Variants in PDE4D observed in about 807,000 individuals in gnomAD.
The protein encoded by PDE4D is phosphodiesterase 4D.
Under a neutral mutation model 87.4 loss-of-function variants are expected in PDE4D, and 24 were observed. The ratio of observed to expected loss-of-function variants is 0.27; its 90% CI spans 0.20 to 0.39. The LOEUF is 0.39. Ranked by LOEUF, PDE4D falls within the 10% of genes least tolerant of loss-of-function variation. The pLI is 1.00. For missense variants in PDE4D, 714 were observed against 1,041.0 expected (o/e 0.69, Z 4.32); for synonymous variants, 384 against 383.2 (o/e 1.00, Z -0.02).
chr5:60,517,964 G>A (rs1750874612), intron 1 of PDE4D, among the ~76,000 whole-genome samples: 1 of 152,230 alleles, frequency 6.6e-6, no homozygotes, highest in South Asian at 2.1e-4. Flanking sequence ...CCCAGACCTG[G>A]GAGCTCCCCA....
intron 1 of PDE4D, among the ~76,000 whole-genome samples, chr5:60,518,694 A>C (rs1272560132): frequency 6.6e-6 from 1 of 151,352 alleles, no homozygotes; most frequent in African/African-American, 2.4e-5. Context: ...GCCTGGTGTT[A>C]TTTTTTTTTC....
At chr5:59,616,918 C>CATGTATATATATATATATATAT (rs1829742765) in intron 1 of PDE4D, among the ~76,000 whole-genome samples, 1 of 62,890 alleles carries the variant, frequency 1.6e-5, no homozygotes. Context: ...CTAATAATTA[C>CATGTATATATATATATATATAT]ATATATATAT....
chr5:59,665,864 T>C (rs2150306714), intron 1 of PDE4D, among the ~76,000 whole-genome samples: 1 of 152,292 alleles, frequency 6.6e-6, no homozygotes, highest in African/African-American at 2.4e-5. Flanking sequence ...ACCAGAAACC[T>C]GGCCCTCACC....
chr5:60,246,099 AT>A (rs935118536), intron 1 of PDE4D, among the ~76,000 whole-genome samples: 15 of 151,614 alleles, frequency 9.9e-5, no homozygotes, highest in African/African-American at 1.9e-4. Context: ...TTAAAAGTTA[AT>A]TTTTTTTAAT....
chr5:60,182,803 C>CA (rs1474685795), intron 2 of PDE4D, among the ~76,000 whole-genome samples: 1 of 151,706 alleles, frequency 6.6e-6, no homozygotes, highest in Admixed American at 6.6e-5. Flanking sequence ...TGGCGTGAAC[C>CA]AGGGAGGCGG....
At chr5:59,133,667 C>A (rs991970447) in intron 5 of PDE4D, among the ~76,000 whole-genome samples, 6 of 152,296 alleles carry the variant, frequency 3.9e-5, no homozygotes, top group African/African-American at 1.2e-4. Flanking sequence ...CCCAGTTTCC[C>A]AGGCATGCCA....
intron 1 of PDE4D, among the ~76,000 whole-genome samples, chr5:59,220,880 A>G (rs185525973): frequency 3.8e-4 from 58 of 151,560 alleles, no homozygotes; most frequent in Admixed American, 3.2e-3. Context: ...GAGCCCAAGC[A>G]AAAAACTAGA....
At chr5:59,862,917 A>G (rs1458596451) in intron 1 of PDE4D, among the ~76,000 whole-genome samples, 1 of 152,180 alleles carries the variant, frequency 6.6e-6, no homozygotes, top group Non-Finnish European at 1.5e-5. Flanking sequence ...TGAATTTGAC[A>G]TTTCTATTCT....
intron 1 of PDE4D, among the ~76,000 whole-genome samples, chr5:60,356,931 G>T (rs1759670176): frequency 6.6e-6 from 1 of 152,144 alleles, no homozygotes; most frequent in Non-Finnish European, 1.5e-5. Context: ...CTGGCATGCA[G>T]CTATGGAACT....
intron 2 of PDE4D, chr5:59,193,918 A>C: frequency 3.8e-6 from 1 of 263,060 alleles, no homozygotes; most frequent in Non-Finnish European, 5.9e-6. Context: ...GACTTCAGTG[A>C]GAGAACCCTT....
intron 1 of PDE4D, among the ~76,000 whole-genome samples, chr5:59,300,792 A>T (rs941589810): frequency 6.6e-6 from 1 of 152,006 alleles, no homozygotes; most frequent in African/African-American, 2.4e-5. Context: ...AGTTCCCAAG[A>T]CTGCCCCCCA....
At chr5:60,345,446 TAATA>T (rs35806424) in intron 1 of PDE4D, among the ~76,000 whole-genome samples, 26 of 148,454 alleles carry the variant, frequency 1.8e-4, no homozygotes, top group African/African-American at 3.5e-4. Flanking sequence ...TAAAGTATAA[TAATA>T]AATAAATAAA....
intron 1 of PDE4D, among the ~76,000 whole-genome samples, chr5:59,525,687 T>C (rs1470098339): frequency 4.6e-5 from 7 of 152,182 alleles, no homozygotes; most frequent in Admixed American, 4.6e-4. Context: ...TAATCCAAAT[T>C]GTAATCCCCA....
At chr5:59,262,440 T>C (rs1382582550) in intron 1 of PDE4D, among the ~76,000 whole-genome samples, 1 of 151,876 alleles carries the variant, frequency 6.6e-6, no homozygotes, top group Non-Finnish European at 1.5e-5. Flanking sequence ...TTAATTTCCT[T>C]CTTTTTTTTT....
At chr5:59,401,509 A>G (rs1790645007) in intron 1 of PDE4D, among the ~76,000 whole-genome samples, 1 of 128,054 alleles carries the variant, frequency 7.8e-6, no homozygotes, top group African/African-American at 2.9e-5. Flanking sequence ...GGGGGAGATC[A>G]CTCCTTTAAT....
At chr5:59,333,699 G>C (rs1282247249) in intron 1 of PDE4D, among the ~76,000 whole-genome samples, 1 of 152,158 alleles carries the variant, frequency 6.6e-6, no homozygotes, top group Non-Finnish European at 1.5e-5. Context: ...TTTATGGAGA[G>C]ATTTTGATTC....
rs191004847 is a variant in PDE4D at position 59,093,185 on chromosome 5, C to T, written c.809-54214G>A. Among the ~76,000 whole-genome samples, 8 of 152,196 alleles carry T rather than the reference C, an allele frequency of 5.3e-5. No homozygotes were observed. The South Asian group carries it at 6.2e-4, about 12-fold the overall frequency. On this transcript the variant is annotated intron_variant, in intron 5 of 14. Transcript: ENST00000340635. ...GAGAAAGTGGACTAATGTGTTCTCC[C>T]GAATCCAGAAAGACTTACTGCTTGG...
chr5:59,157,314 G>A (rs1240571385), intron 5 of PDE4D: 11 of 702,548 alleles, frequency 1.6e-5, no homozygotes, highest in Middle Eastern at 2.3e-4. Flanking sequence ...AGGGTCACAC[G>A]TGTTTCACAT....
chr5:60,226,328 A>G (rs1418140573), intron 1 of PDE4D, among the ~76,000 whole-genome samples: 1 of 152,112 alleles, frequency 6.6e-6, no homozygotes, highest in African/African-American at 2.4e-5. Flanking sequence ...CTATAAAAAC[A>G]AAGTACTAGA....
Sources: gnomAD v4.1 joint callset for allele counts (sites outside exome capture counted in the v4.1 genomes callset) on GRCh38, gnomAD v4.1.1 for gene constraint, MANE v1.5 for transcripts, NCBI Gene and HGNC (gene_info 2026-07-23, HGNC 2026-07-21) for gene names.